The following TMF1 variants were observed in gnomAD, a reference collection of about 807,000 sequenced individuals.
TMF1 encodes TATA element modulatory factor.
TMF1 carries 71 observed loss-of-function variants against 126.5 expected under a neutral mutation model. That is an observed-to-expected ratio of 0.56 (90% CI 0.46 to 0.68). The LOEUF is 0.68. Among genes scored for constraint, TMF1 ranks in the 30% least tolerant of loss-of-function variants. The pLI, the probability that TMF1 is intolerant of heterozygous loss-of-function variation, is 0.00. For synonymous variants in TMF1, 461 were observed against 430.5 expected, an observed-to-expected ratio of 1.07 and a Z score of -0.88; for missense variants, 1,259 against 1,253.2, an observed-to-expected ratio of 1.00 and a Z score of -0.07.
rs183545168 is a variant in TMF1, at chr3:69,032,713, G to A, written c.2401+835C>T. ...GCAGCCTCTGCTTCCCAGGTTCAAG[G>A]GATTCTTTGCCTCAGCCTCCCAAAT... On this transcript the variant is annotated intron_variant, in intron 10 of 16. Coordinates refer to ENST00000398559, the MANE Select transcript of TMF1 (RefSeq NM_007114.3). Among the ~76,000 whole-genome samples, 104 of 151,688 alleles carry A rather than the reference G, an allele frequency of 6.9e-4. No homozygotes were observed. In the East Asian group the frequency reaches 7.3e-3, roughly 11 times the overall value.
At chr3:69,031,463 T>C (rs1037417648) in intron 10 of TMF1, among the ~76,000 whole-genome samples, 1 of 152,156 alleles carries the variant, frequency 6.6e-6, no homozygotes, top group Non-Finnish European at 1.5e-5. Flanking sequence ...AATAAAACTT[T>C]GGAAATCTGA....
intron 10 of TMF1, among the ~76,000 whole-genome samples, chr3:69,032,613 C>CTTT (rs11447014): frequency 5.6e-5 from 8 of 143,822 alleles, no homozygotes; most frequent in African/African-American, 7.7e-5. Flanking sequence ...AATATGGAAT[C>CTTT]TTTTTTTTTT....
intron 3 of TMF1, 141 bp from the exon 4 acceptor site, chr3:69,044,017 T>C (rs2091881456): frequency 3.6e-6 from 2 of 556,330 alleles, no homozygotes; most frequent in Non-Finnish European, 5.5e-6. Flanking sequence ...CTATTAACTT[T>C]TAAGAAAAAA....
chr3:69,047,284 A>G, intron 2 of TMF1, 74 bp downstream of exon 2: 1 of 1,468,424 alleles, frequency 6.8e-7, no homozygotes, highest in East Asian at 2.3e-5. Flanking sequence ...TGCATCAATG[A>G]AAGTATTTTT....
At position 69,039,606 on chromosome 3, in the gene TMF1, G is replaced by A. The variant is rs368967805; in HGVS notation, c.1772C>T (p.Ala591Val). 1 of 1,613,254 alleles carries A rather than the reference G, an allele frequency of 6.2e-7. No individual in the cohort carries two copies. Among genetic ancestry groups the A allele is most frequent in the African/African-American group, 1.3e-5 (1 of 74,824 alleles). Residue 591 changes from alanine (A) to valine (V), a missense_variant, in exon 6 of 17, where the codon GCA becomes GTA. Physicochemically the swap from Ala to Val is moderately conservative, Grantham distance 64 (BLOSUM62 0). Transcript: ENST00000398559. ...CTCTTTAACTTTTTTGTTCAGCTTT[G>A]CAACCATATTTTCATTCTCCTTGTC... is the stretch of plus-strand genomic sequence containing the variant. ...AKDKENENMV[A>V]KLNKKVKELE...
chr3:69,043,731 T>C lies in TMF1; in HGVS notation c.1578+19A>G. 1 of 1,591,322 alleles carries C rather than the reference T, an allele frequency of 6.3e-7. No individual in the cohort carries two copies. The highest frequency in any genetic ancestry group is 8.6e-7 in the Non-Finnish European group (1 of 1,169,178). Reference sequence around the variant, plus strand: ...TATCTCTATAGAGTTTAATTAATATTACTTTAAATTTCAATTACCTTTTTA... The same window carrying C: ...TATCTCTATAGAGTTTAATTAATATCACTTTAAATTTCAATTACCTTTTTA... On this transcript the variant is annotated intron_variant, in intron 4 of 16. Transcript: ENST00000398559.
chr3:69,047,018 ACATGTT>A (rs1376361774), intron 2 of TMF1, among the ~76,000 whole-genome samples: 1 of 152,244 alleles, frequency 6.6e-6, no homozygotes, highest in African/African-American at 2.4e-5. Context: ...AGGTGAAGAT[ACATGTT>A]AATGTAAGAA....
Position 69,025,630 on chromosome 3 carries a change from G to A in TMF1, c.2942C>T (p.Ala981Val), listed in dbSNP as rs185257531. Residue 981 changes from alanine to valine, a missense_variant, in exon 15 of 17, where the codon GCA becomes GTA. Ala to Val is a moderately conservative substitution (Grantham distance 64). Transcript: ENST00000398559. ...SNLYDAVRMGAGSSIIENLQS... is the reference protein window; with the variant it reads ...SNLYDAVRMGVGSSIIENLQS... Reference sequence around the variant, plus strand: ...TAGGTTTTCAATTATGCTTGATCCTGCTCCCATCCTTACAGCATCATAAAG... The same window carrying A: ...TAGGTTTTCAATTATGCTTGATCCTACTCCCATCCTTACAGCATCATAAAG... 2.4e-4 allele frequency: 387 copies of A among 1,614,002 alleles called. 5 individuals carry two copies. In the East Asian group the frequency reaches 8.5e-3, roughly 35 times the overall value.
At position 69,027,929 on chromosome 3, in the gene TMF1, T is replaced by C. The variant is rs376423508; in HGVS notation, c.2728A>G (p.Ile910Val). The change falls in exon 13 of 17, where the codon ATT becomes GTT. Residue 910 changes from isoleucine to valine, a missense_variant. By Grantham distance (29) the Ile-to-Val change is conservative. Coordinates refer to ENST00000398559, the MANE Select transcript of TMF1 (RefSeq NM_007114.3). The stretch of plus-strand genomic sequence containing the variant: ...TCTTTTATTGTTTCTTGAGTAAAAA[T>C]GGCTTTCTTCCTTTCTTGTTCAACT... ...MKVEQERKKA[I>V]FTQETIKEKE... 1.5e-5 allele frequency: 24 copies of C among 1,587,686 alleles called. No homozygotes were observed. The highest frequency in any genetic ancestry group is 4.3e-6 in the Non-Finnish European group (5 of 1,158,146).
Position 69,022,949 on chromosome 3 carries a change from T to TA in TMF1, c.*227dup, listed in dbSNP as rs1242331425. 5 of 379,830 alleles carry TA rather than the reference T, an allele frequency of 1.3e-5. No individual in the cohort carries two copies. The highest frequency in any genetic ancestry group is 2.3e-5 in the Non-Finnish European group (5 of 215,042). The allele number at this position is 379,830 out of a possible 1,614,324, so 23.5% of individuals were successfully genotyped here. On this transcript the variant is annotated 3_prime_UTR_variant, in exon 17 of 17. Coordinates refer to ENST00000398559, the MANE Select transcript of TMF1 (RefSeq NM_007114.3). ...ATTCAAGGAAAAAAAATGAATGCTT[T>TA]AAAAAATAAATCTTTAAAGAATAGT...
chr3:69,042,566 G>C (rs754344397), intron 5 of TMF1: 1 of 605,314 alleles, frequency 1.7e-6, no homozygotes, highest in South Asian at 1.5e-5. Flanking sequence ...ACAAATTTCT[G>C]TCTATTTTAC....
In TMF1 at chr3:69,043,582, T is replaced by C. The variant is rs1357880440; in HGVS notation, c.1578+168A>G. On this transcript the variant is annotated intron_variant, in intron 4 of 16. Transcript: ENST00000398559. ...TCAGCCTCCCAGTGTGCTGGGATTA[T>C]AGACATGAGCCACCACACGTGGCCA... 2.0e-5 allele frequency among the ~76,000 whole-genome samples: 3 copies of C among 152,184 alleles called. 1 individual carries two copies. Among genetic ancestry groups the C allele is most frequent in the South Asian group, 4.1e-4 (2 of 4,822 alleles).
At chr3:69,035,267 A>T in intron 8 of TMF1, 152 bp from the exon 9 acceptor site, 1 of 618,854 alleles carries the variant, frequency 1.6e-6, no homozygotes, top group Non-Finnish European at 2.8e-6. Context: ...CACATCTCTC[A>T]TTCATCAAGC....
At chr3:69,026,152 A>C in intron 13 of TMF1, 55 bp from the exon 14 acceptor site, 2 of 1,205,626 alleles carry the variant, frequency 1.7e-6, no homozygotes, top group Non-Finnish European at 2.5e-6. Context: ...ATAAGCAGAG[A>C]AAGCAAGAAC....
At chr3:69,045,650 T>A (rs1419975529) in intron 2 of TMF1, among the ~76,000 whole-genome samples, 2 of 151,686 alleles carry the variant, frequency 1.3e-5, no homozygotes, top group African/African-American at 4.8e-5. Context: ...CATGGTAGCA[T>A]ACGTCTGTAG....
rs115455462 is a variant in TMF1, at chr3:69,045,741, C to T, written c.1348-1146G>A. On this transcript the variant is annotated intron_variant, in intron 2 of 16. Transcript: ENST00000398559. ...TAGCCTGGGCAACAGGGCAAGACTC[C>T]GCCTCAAAAAATAAATAAATAAAAT... Among the ~76,000 whole-genome samples, 1,310 of 151,906 alleles carry T rather than the reference C, an allele frequency of 8.6e-3. 25 individuals are homozygous for T. Among genetic ancestry groups the T allele is most frequent in the African/African-American group, 0.029 (1,212 of 41,434 alleles).
At chr3:69,040,977 T>A (rs1443810013) in intron 5 of TMF1, among the ~76,000 whole-genome samples, 1 of 152,064 alleles carries the variant, frequency 6.6e-6, no homozygotes, top group Non-Finnish European at 1.5e-5. Context: ...AATACCCTTT[T>A]GTGAAATGTA....
chr3:69,024,245 T>TA, intron 15 of TMF1, 65 bp from the exon 16 acceptor site: 1 of 1,334,506 alleles, frequency 7.5e-7, no homozygotes, highest in Non-Finnish European at 1.0e-6. Flanking sequence ...CCCAGTAATA[T>TA]AAAAATATTT....
chr3:69,038,146 T>C (rs1388918864), intron 8 of TMF1, among the ~76,000 whole-genome samples: 1 of 152,218 alleles, frequency 6.6e-6, no homozygotes, highest in Non-Finnish European at 1.5e-5. Flanking sequence ...ATAACCCATA[T>C]GCCCATCAAC....
Sources: gnomAD v4.1 joint callset for allele counts (sites outside exome capture counted in the v4.1 genomes callset) on GRCh38, gnomAD v4.1.1 for gene constraint, MANE v1.5 for transcripts, NCBI Gene and HGNC (gene_info 2026-07-23, HGNC 2026-07-21) for gene names.